The following CDC42BPB variants were observed in gnomAD, a reference collection of about 807,000 sequenced individuals.
CDC42BPB encodes the protein serine/threonine-protein kinase MRCK beta.
In CDC42BPB, 37 loss-of-function variants were observed where a neutral mutation model predicts 214.9. That is an observed-to-expected ratio of 0.17 (90% CI 0.13 to 0.23). CDC42BPB has a LOEUF of 0.23. Ranked by LOEUF, CDC42BPB falls within the 10% of genes least tolerant of loss-of-function variation. The probability of loss-of-function intolerance (pLI) is 1.00; values close to 1 mark genes in which losing one functional copy is unlikely to be tolerated. For missense variants in CDC42BPB, 1,694 were observed against 2,227.0 expected (o/e 0.76, Z 4.82); for synonymous variants, 931 against 884.0 (o/e 1.05, Z -0.94).
chr14:103,024,800 A>T (rs1957467154), intron 1 of CDC42BPB, among the ~76,000 whole-genome samples: 1 of 152,174 alleles, frequency 6.6e-6, no homozygotes, highest in Non-Finnish European at 1.5e-5. Context: ...ATGGTCTCAA[A>T]ACTCCTGGGC....
intron 5 of CDC42BPB, among the ~76,000 whole-genome samples, chr14:102,987,955 C>T (rs1008339587): frequency 1.4e-4 from 21 of 151,848 alleles, no homozygotes; most frequent in African/African-American, 4.4e-4. Context: ...GCCTGGGCGA[C>T]AGAGCAAGAC....
chr14:103,035,989 A>G (rs990015025), intron 1 of CDC42BPB, among the ~76,000 whole-genome samples: 2 of 152,080 alleles, frequency 1.3e-5, no homozygotes, highest in African/African-American at 4.8e-5. Context: ...TCATCTGTAC[A>G]AAAATACAAA....
chr14:102,985,445 TGGTGTGGA>T (rs1566882226), intron 6 of CDC42BPB, among the ~76,000 whole-genome samples: 2 of 152,018 alleles, frequency 1.3e-5, no homozygotes, highest in South Asian at 2.1e-4. Context: ...TGTGACAGGG[TGGTGTGGA>T]GGTGTGGAGG....
At chr14:102,992,103 T>TG (rs1330318983) in intron 5 of CDC42BPB, among the ~76,000 whole-genome samples, 1 of 149,554 alleles carries the variant, frequency 6.7e-6, no homozygotes, top group Non-Finnish European at 1.5e-5. Flanking sequence ...CATAGCACTG[T>TG]GGGGGGGATG....
rs772835812 is a variant in CDC42BPB, at chr14:103,001,545, G to T, written c.448-1832C>A. ...TGGAGCCTGCCAAAAGGGGAGGGCC[G>T]GCCACAGTGGGGGCTGCAGCCCCAC... On this transcript the variant is annotated intron_variant, in intron 4 of 36. Transcript: ENST00000361246. This position sits in a 1 kb window ranked among gnomAD's most constrained non-coding sequence, Gnocchi z 5.8. 1.3e-5 allele frequency among the ~76,000 whole-genome samples: 2 copies of T among 152,180 alleles called. No homozygotes were observed. The highest frequency in any genetic ancestry group is 2.4e-5 in the African/African-American group (1 of 41,442).
chr14:103,018,296 C>T (rs1886580238), intron 1 of CDC42BPB, among the ~76,000 whole-genome samples: 2 of 152,316 alleles, frequency 1.3e-5, no homozygotes, highest in South Asian at 4.1e-4. Flanking sequence ...TATTCAATGG[C>T]AAACAGCTGG....
rs1195580458 is a variant in CDC42BPB, at chr14:103,001,391, T to A, written c.448-1678A>T. ...AGAGCAGGCAGTGGTGAGCGCCAGC[T>A]GACCGCAGGCCGCCTGGTGAGGTGC... On this transcript the variant is annotated intron_variant, in intron 4 of 36. Coordinates refer to ENST00000361246, the MANE Select transcript of CDC42BPB (RefSeq NM_006035.4). This position sits in a 1 kb window ranked among gnomAD's most constrained non-coding sequence, Gnocchi z 5.8. Among the ~76,000 whole-genome samples, 2 of 152,190 alleles carry A rather than the reference T, an allele frequency of 1.3e-5. No individual in the cohort carries two copies. Among genetic ancestry groups the A allele is most frequent in the African/African-American group, 4.8e-5 (2 of 41,452 alleles).
chr14:103,042,015 C>T, intron 1 of CDC42BPB: 1 of 260,886 alleles, frequency 3.8e-6, no homozygotes, highest in South Asian at 4.7e-5. Context: ...TCCACATGGT[C>T]CATGCTGACG....
chr14:103,022,906 G>C (rs191479794), intron 1 of CDC42BPB, among the ~76,000 whole-genome samples: 2 of 152,118 alleles, frequency 1.3e-5, no homozygotes, highest in African/African-American at 4.8e-5. Context: ...ACCCCCCTCA[G>C]GCTCCCACTG....
chr14:102,949,557 T>C (rs576598559), intron 26 of CDC42BPB, among the ~76,000 whole-genome samples: 57 of 152,316 alleles, frequency 3.7e-4, no homozygotes, highest in Non-Finnish European at 7.6e-4. Context: ...CTCCCGTTCC[T>C]GCGCACGCAG....
intron 1 of CDC42BPB, among the ~76,000 whole-genome samples, chr14:103,036,397 C>T (rs1887669740): frequency 6.6e-6 from 1 of 152,052 alleles, no homozygotes; most frequent in South Asian, 2.1e-4. Context: ...CCTCGTGATC[C>T]ACCTGCCTCG....
At chr14:102,945,837 G>A in intron 28 of CDC42BPB, 113 bp from the exon 29 acceptor site, 1 of 856,856 alleles carries the variant, frequency 1.2e-6, no homozygotes, top group Non-Finnish European at 1.9e-6. Flanking sequence ...ATGTGGATGA[G>A]AATACAGCAT....
At chr14:102,971,397 G>A (rs557493047) in intron 13 of CDC42BPB, among the ~76,000 whole-genome samples, 18 of 152,380 alleles carry the variant, frequency 1.2e-4, no homozygotes, top group African/African-American at 4.3e-4. Context: ...CTTTGGGGTT[G>A]TAATCATTCC....
chr14:102,972,219 G>A, intron 12 of CDC42BPB, 58 bp from the exon 13 acceptor site: 1 of 1,590,578 alleles, frequency 6.3e-7, no homozygotes, highest in South Asian at 1.1e-5. Flanking sequence ...TGGAAGGCTG[G>A]AGGTTCGGTC....
chr14:102,998,770 G>A (rs1403367592), intron 5 of CDC42BPB, among the ~76,000 whole-genome samples: 5 of 152,170 alleles, frequency 3.3e-5, no homozygotes, highest in Non-Finnish European at 7.4e-5. Flanking sequence ...GCCCTTCAGG[G>A]GTCAGCACGG....
In CDC42BPB at chr14:102,938,376, GC is replaced by G; in HGVS notation, c.4862del (p.Gly1621AlafsTer31). ...GGCGAGCCAGGTTGGTGGGAGCGGG[GC>G]CCGGCCTTTCCTCCTGGGAGGGGGG... ...AVPPSQEERP[G>X]PAPTNLARQP... On this transcript the variant is annotated frameshift_variant, in exon 35 of 37. Transcript: ENST00000361246. LOFTEE classifies it high-confidence loss of function. 1 of 1,565,012 alleles carries G rather than the reference GC, an allele frequency of 6.4e-7. No individual in the cohort carries two copies. Among genetic ancestry groups the G allele is most frequent in the Non-Finnish European group, 8.6e-7 (1 of 1,161,348 alleles).
chr14:102,940,188 G>A (rs1891828177), intron 31 of CDC42BPB, 39 bp downstream of exon 31: 4 of 1,612,858 alleles, frequency 2.5e-6, no homozygotes, highest in Non-Finnish European at 3.4e-6. Context: ...TGCACCGGGA[G>A]AAGCCCGCCC....
At chr14:103,024,099 C>T (rs1248222442) in intron 1 of CDC42BPB, among the ~76,000 whole-genome samples, 1 of 152,188 alleles carries the variant, frequency 6.6e-6, no homozygotes, top group Admixed American at 6.5e-5. Context: ...TAAATATATA[C>T]AGAGACGCTC....
At chr14:102,969,547 G>A (rs1893378121) in intron 14 of CDC42BPB, among the ~76,000 whole-genome samples, 1 of 152,238 alleles carries the variant, frequency 6.6e-6, no homozygotes, top group South Asian at 2.1e-4. Flanking sequence ...CCCAGAGGAA[G>A]AGTTGCCAGA....
Sources: allele counts gnomAD v4.1 joint callset (sites outside exome capture counted in the v4.1 genomes callset), GRCh38; gene constraint gnomAD v4.1.1; non-coding constraint Gnocchi (gnomAD v3.1); transcripts MANE v1.5; gene names NCBI Gene and HGNC (gene_info 2026-07-23, HGNC 2026-07-21).